SEMA4D: variants seen among roughly 807,000 people sequenced by gnomAD.
SEMA4D encodes semaphorin 4D.
SEMA4D carries 22 observed loss-of-function variants against 74.8 expected under a neutral mutation model. That is an observed-to-expected ratio of 0.29 (90% CI 0.21 to 0.42). The LOEUF (loss-of-function observed/expected upper bound fraction) is 0.42, where lower values mean the gene tolerates loss of function less well. SEMA4D is among the 10% of genes least tolerant of loss of function. The pLI, the probability that SEMA4D is intolerant of heterozygous loss-of-function variation, is 1.00. For missense variants in SEMA4D, 937 were observed against 1,118.4 expected (o/e 0.84, Z 2.31); for synonymous variants, 445 against 463.7 (o/e 0.96, Z 0.52).
chr9:89,494,811 G>GCAGA (rs1479543385), intron 1 of SEMA4D, among the ~76,000 whole-genome samples: 2 of 152,064 alleles, frequency 1.3e-5, no homozygotes, highest in African/African-American at 4.8e-5. Context: ...CTAATCTGAG[G>GCAGA]CAGATCCCAA....
intron 16 of SEMA4D, among the ~76,000 whole-genome samples, chr9:89,371,291 GGT>G (rs1221689197): frequency 2.4e-4 from 32 of 134,260 alleles, no homozygotes; most frequent in Non-Finnish European, 4.5e-4. Flanking sequence ...GGTGTGTGAC[GGT>G]GTGTGTGTCT....
downstream of SEMA4D, among the ~76,000 whole-genome samples, chr9:89,374,477 C>T (rs931759859): frequency 4.6e-5 from 7 of 152,322 alleles, no homozygotes; most frequent in Admixed American, 2.0e-4. Flanking sequence ...GCCACAGCCT[C>T]GGTGGCACAG....
At chr9:89,452,239 C>T (rs1318915882) in intron 2 of SEMA4D, among the ~76,000 whole-genome samples, 19 of 140,768 alleles carry the variant, frequency 1.3e-4, no homozygotes, top group Admixed American at 2.3e-4. Flanking sequence ...AGTGCAGTGG[C>T]GCAATCTCGG....
rs748488926 is a variant in SEMA4D at position 89,379,253 on chromosome 9, A to C, written c.2040T>G (p.Ser680=). The change falls in exon 16 of 16, where the codon TCT becomes TCG. Residue 680 remains serine, a synonymous_variant. Transcript: ENST00000422704. ...TKVLVASTQG[S]SPPTPAVQAT... ...CCTGCACGGCTGGGGTTGGGGGAGA[A>C]GACCCTTGGGTGGATGCCACCAACA... 3.1e-6 allele frequency: 5 copies of C among 1,614,026 alleles called. No individual in the cohort carries two copies. The South Asian group carries it at 5.5e-5, about 18-fold the overall frequency.
At chr9:89,443,348 C>T (rs1002194337) in intron 2 of SEMA4D, among the ~76,000 whole-genome samples, 12 of 152,240 alleles carry the variant, frequency 7.9e-5, no homozygotes, top group African/African-American at 2.9e-4. Context: ...CCAGGATGCC[C>T]ATGGGCCCAG....
intron 1 of SEMA4D, among the ~76,000 whole-genome samples, chr9:89,489,407 G>C (rs1244824241): frequency 6.6e-6 from 1 of 152,138 alleles, no homozygotes; most frequent in Non-Finnish European, 1.5e-5. Flanking sequence ...TAATCCAGTG[G>C]CATTTAGTAC....
At chr9:89,439,702 G>A (rs111442747) in intron 2 of SEMA4D, among the ~76,000 whole-genome samples, 2 of 152,236 alleles carry the variant, frequency 1.3e-5, no homozygotes, top group African/African-American at 4.8e-5. Context: ...AAAGATCATC[G>A]CAGCTGGCCG....
chr9:89,364,234 C>T lies in SEMA4D; in HGVS notation c.1883-284G>A, dbSNP rs1050691217. 16 of 527,772 alleles carry T rather than the reference C, an allele frequency of 3.0e-5. 1 individual carries two copies. The highest frequency in any genetic ancestry group is 2.0e-4 in the South Asian group (10 of 49,282). The allele number at this position is 527,772 out of a possible 1,614,324, so 32.7% of individuals were successfully genotyped here. A position where few individuals can be genotyped will look rare whatever the true frequency, so the allele number is the denominator to read the frequency against. On this transcript the variant is annotated intron_variant, in intron 16 of 18. Transcript: ENST00000339861. Reference sequence around the variant, plus strand: ...TCCCCTAGGACCCCCTTTCTTGCAGCGCTGTGCTGGTTTCTTACAGAATGG... The same window carrying T: ...TCCCCTAGGACCCCCTTTCTTGCAGTGCTGTGCTGGTTTCTTACAGAATGG...
chr9:89,430,298 A>G (rs1848990576), intron 2 of SEMA4D, among the ~76,000 whole-genome samples: 1 of 152,136 alleles, frequency 6.6e-6, no homozygotes, highest in Non-Finnish European at 1.5e-5. Flanking sequence ...CCCTCCAGAC[A>G]GCTCCCCAAC....
rs186522283 is a variant in SEMA4D at position 89,402,534 on chromosome 9, C to T, written c.252+337G>A. On this transcript the variant is annotated intron_variant, in intron 4 of 15. Coordinates refer to ENST00000422704, the MANE Select transcript of SEMA4D (RefSeq NM_001371194.2). ...GATACCCAGATGAAGAATGTGGTGT[C>T]GGGATCTGCCTCAATGCCCCAGGAG... is the stretch of plus-strand genomic sequence containing the variant. Among the ~76,000 whole-genome samples the T allele has an allele frequency of 3.2e-3, 492 of 152,212 alleles. 2 individuals carry two copies. The highest frequency in any genetic ancestry group is 0.011 in the African/African-American group (468 of 41,506).
At chr9:89,403,042 A>G (rs1049195774) in intron 3 of SEMA4D, 26 bp from the exon 4 acceptor site, 68 of 1,593,038 alleles carry the variant, frequency 4.3e-5, no homozygotes, top group Non-Finnish European at 5.7e-5. Context: ...GCAGGGTCAG[A>G]GTGGGAGGAA....
intron 2 of SEMA4D, among the ~76,000 whole-genome samples, chr9:89,436,829 C>G (rs1333935952): frequency 6.6e-6 from 1 of 152,260 alleles, no homozygotes; most frequent in Non-Finnish European, 1.5e-5. Flanking sequence ...TCCTGGGTGC[C>G]TGAGGACCCT....
At chr9:89,451,806 T>C (rs1397400566) in intron 2 of SEMA4D, among the ~76,000 whole-genome samples, 1 of 152,226 alleles carries the variant, frequency 6.6e-6, no homozygotes. Flanking sequence ...ATATATTTTA[T>C]CTAACCCAAT....
At position 89,379,173 on chromosome 9, in the gene SEMA4D, G is replaced by T; in HGVS notation, c.2120C>A (p.Ser707Tyr). The change falls in exon 16 of 16, where the codon TCC becomes TAC. Residue 707 changes from serine to tyrosine, a missense_variant. Transcript: ENST00000422704. ...LPPKPAPTGT[S>Y]CEPKIVINTV... ...GTTGATGACGATCTTTGGTTCGCAG[G>T]ATGTGCCGGTGGGCGCAGGCTTGGG... is the stretch of plus-strand genomic sequence containing the variant. 1 of 1,614,198 alleles carries T rather than the reference G, an allele frequency of 6.2e-7. No individual in the cohort carries two copies. The highest frequency in any genetic ancestry group is 8.5e-7 in the Non-Finnish European group (1 of 1,180,028).
At chr9:89,448,328 T>C (rs1587968760) in intron 2 of SEMA4D, among the ~76,000 whole-genome samples, 1 of 152,346 alleles carries the variant, frequency 6.6e-6, no homozygotes, top group South Asian at 2.1e-4. Flanking sequence ...ACCTGACCTA[T>C]TGATCTCCTT....
chr9:89,450,659 G>GAAAAAAAAAAAAAAAAAAAACAAA (rs1564832883), intron 2 of SEMA4D: 1 of 384,212 alleles, frequency 2.6e-6, no homozygotes, highest in African/African-American at 3.1e-5. Flanking sequence ...GAAAAACCCA[G>GAAAAAAAAAAAAAAAAAAAACAAA]GAAAAAAAAA....
chr9:89,452,790 G>A (rs1478015779), intron 2 of SEMA4D, among the ~76,000 whole-genome samples: 1 of 152,228 alleles, frequency 6.6e-6, no homozygotes, highest in Non-Finnish European at 1.5e-5. Context: ...TGCACGGCTT[G>A]ACCATGCTTC....
chr9:89,363,526 T>C, exon 18 of SEMA4D: 1 of 1,614,044 alleles, frequency 6.2e-7, no homozygotes, highest in Non-Finnish European at 8.5e-7. Flanking sequence ...GGTGGGTCAC[T>C]TCTGGAAAAC....
chr9:89,438,837 T>C (rs1851036325), intron 2 of SEMA4D, among the ~76,000 whole-genome samples: 1 of 151,498 alleles, frequency 6.6e-6, no homozygotes, highest in African/African-American at 2.4e-5. Context: ...GGCTAATTTT[T>C]TGTATTTTTA....
Sources: gnomAD v4.1 joint callset for allele counts (sites outside exome capture counted in the v4.1 genomes callset) on GRCh38, gnomAD v4.1.1 for gene constraint, MANE v1.5 for transcripts, NCBI Gene and HGNC (gene_info 2026-07-23, HGNC 2026-07-21) for gene names.